Variants in RALYL observed in about 807,000 individuals in gnomAD.
RALYL encodes RALY RNA binding protein like.
A neutral mutation model predicts 35.1 loss-of-function variants in RALYL; 29 were observed. The observed-to-expected ratio is 0.83, with a 90% CI of 0.61 to 1.13. The LOEUF is 1.13. RALYL is among the 50% of genes most tolerant of loss of function. The probability of loss-of-function intolerance (pLI) is 0.00; values close to 1 mark genes in which losing one functional copy is unlikely to be tolerated. For synonymous variants in RALYL, 120 were observed against 127.6 expected, an observed-to-expected ratio of 0.94 and a Z score of 0.40; for missense variants, 359 against 360.4, an observed-to-expected ratio of 1.00 and a Z score of 0.03.
chr8:84,550,764 G>A (rs1035819724), intron 2 of RALYL, among the ~76,000 whole-genome samples: 13 of 151,772 alleles, frequency 8.6e-5, no homozygotes, highest in Non-Finnish European at 1.8e-4. Flanking sequence ...CTGCAATGTT[G>A]AAAGTAAATT....
intron 1 of RALYL, among the ~76,000 whole-genome samples, chr8:84,484,474 A>G (rs1403561205): frequency 1.3e-5 from 2 of 152,048 alleles, no homozygotes; most frequent in African/African-American, 4.8e-5. Flanking sequence ...AAGGATAACA[A>G]GCGGAAGAAA....
intron 1 of RALYL, among the ~76,000 whole-genome samples, chr8:84,220,270 T>A (rs768242228): frequency 1.3e-4 from 20 of 152,106 alleles, no homozygotes; most frequent in Non-Finnish European, 1.8e-4. Flanking sequence ...ACTATTTTTA[T>A]ATATTCAATA....
chr8:84,425,773 A>T (rs1213816308), intron 1 of RALYL, among the ~76,000 whole-genome samples: 3 of 142,420 alleles, frequency 2.1e-5, no homozygotes, highest in Non-Finnish European at 4.5e-5. Flanking sequence ...TTAGAAAGCC[A>T]GTTTTTCTTC....
chr8:84,335,170 A>G (rs1847540990), intron 1 of RALYL, among the ~76,000 whole-genome samples: 1 of 152,118 alleles, frequency 6.6e-6, no homozygotes, highest in African/African-American at 2.4e-5. Flanking sequence ...CTCTAGTGGA[A>G]CATCTCCACA....
At chr8:84,513,765 G>A (rs1417584613) in intron 1 of RALYL, among the ~76,000 whole-genome samples, 1 of 152,006 alleles carries the variant, frequency 6.6e-6, no homozygotes, top group Admixed American at 6.6e-5. Flanking sequence ...CAACATGAAT[G>A]AAATGGTACC....
intron 1 of RALYL, among the ~76,000 whole-genome samples, chr8:84,213,569 C>CT (rs1820053927): frequency 1.3e-5 from 2 of 152,080 alleles, no homozygotes; most frequent in Non-Finnish European, 2.9e-5. Flanking sequence ...AATAGATTAG[C>CT]TTTTCTTCTC....
intron 1 of RALYL, among the ~76,000 whole-genome samples, chr8:84,338,281 T>G (rs1300175077): frequency 6.6e-6 from 1 of 151,992 alleles, no homozygotes; most frequent in Non-Finnish European, 1.5e-5. Flanking sequence ...GGGACCATAG[T>G]GCAGACTCCT....
chr8:84,202,367 A>ATTTTTTTTTTTTTTTTTTTTTTTTTTT (rs1187950600), intron 1 of RALYL, among the ~76,000 whole-genome samples: 1 of 113,448 alleles, frequency 8.8e-6, no homozygotes, highest in African/African-American at 3.2e-5. Context: ...TATTGAAGGG[A>ATTTTTTTTTTTTTTTTTTTTTTTTTTT]TTTTTTTTTT....
At chr8:84,200,316 A>G (rs1042572657) in intron 1 of RALYL, among the ~76,000 whole-genome samples, 2 of 152,180 alleles carry the variant, frequency 1.3e-5, no homozygotes, top group African/African-American at 4.8e-5. Context: ...TGGACTCCAG[A>G]TACAAAGCTT....
chr8:84,487,559 C>A (rs551240806), intron 1 of RALYL, among the ~76,000 whole-genome samples: 1 of 152,010 alleles, frequency 6.6e-6, no homozygotes, highest in African/African-American at 2.4e-5. Flanking sequence ...GTCAAGAAAC[C>A]AAGAATCACA....
At chr8:84,384,496 C>A (rs1363879930) in intron 1 of RALYL, among the ~76,000 whole-genome samples, 1 of 151,688 alleles carries the variant, frequency 6.6e-6, no homozygotes, top group Admixed American at 6.6e-5. Flanking sequence ...TATAGATATT[C>A]TTTGAACTCT....
chr8:84,796,306 G>T (rs971768440), intron 3 of RALYL, among the ~76,000 whole-genome samples: 10 of 152,186 alleles, frequency 6.6e-5, no homozygotes, highest in Non-Finnish European at 1.0e-4. Context: ...ACAGAAGCCT[G>T]GGATTGTTTT....
intron 1 of RALYL, among the ~76,000 whole-genome samples, chr8:84,485,330 T>A (rs765900249): frequency 1.3e-5 from 2 of 152,172 alleles, no homozygotes; most frequent in African/African-American, 4.8e-5. Context: ...GGCTCACGCC[T>A]TTAATCCCAG....
intron 5 of RALYL, among the ~76,000 whole-genome samples, chr8:84,859,648 G>A (rs887799380): frequency 2.6e-5 from 4 of 152,018 alleles, no homozygotes; most frequent in South Asian, 2.1e-4. Context: ...CCAAGAGTTC[G>A]AGACCAGGCT....
intron 2 of RALYL, among the ~76,000 whole-genome samples, chr8:84,681,786 C>G (rs943001306): frequency 2.0e-5 from 3 of 152,192 alleles, no homozygotes; most frequent in Admixed American, 2.0e-4. Context: ...CATCTGCAAA[C>G]AGGGACAATT....
At chr8:84,428,904 A>G (rs1391828489) in intron 1 of RALYL, among the ~76,000 whole-genome samples, 1 of 152,138 alleles carries the variant, frequency 6.6e-6, no homozygotes, top group Admixed American at 6.6e-5. Flanking sequence ...AACCACCTTT[A>G]ATGCAAAGCA....
chr8:84,330,425 A>G (rs758010063), intron 1 of RALYL, among the ~76,000 whole-genome samples: 1 of 151,990 alleles, frequency 6.6e-6, no homozygotes, highest in Non-Finnish European at 1.5e-5. Flanking sequence ...AGATTCATGC[A>G]TAAATTTGCT....
chr8:84,540,129 AGT>A (rs1224650378), intron 2 of RALYL, among the ~76,000 whole-genome samples: 2 of 151,692 alleles, frequency 1.3e-5, no homozygotes, highest in Non-Finnish European at 2.9e-5. Flanking sequence ...TTTTTAAACC[AGT>A]GTATGTGTAC....
intron 1 of RALYL, among the ~76,000 whole-genome samples, chr8:84,291,533 T>C (rs1057319461): frequency 2.6e-5 from 4 of 152,172 alleles, no homozygotes; most frequent in African/African-American, 4.8e-5. Context: ...GGTCAAAAGT[T>C]TAACTTTTAA....
Sources: gnomAD v4.1 joint callset for allele counts (sites outside exome capture counted in the v4.1 genomes callset) on GRCh38, gnomAD v4.1.1 for gene constraint, MANE v1.5 for transcripts, NCBI Gene and HGNC (gene_info 2026-07-23, HGNC 2026-07-21) for gene names.